Variants in NCOA4 observed in about 807,000 individuals in gnomAD.
NCOA4 encodes 70 kDa AR-activator.
Under a neutral mutation model 69.5 loss-of-function variants are expected in NCOA4, and 31 were observed. The observed-to-expected ratio is 0.45, with a 90% CI of 0.34 to 0.60. NCOA4 has a LOEUF of 0.60. Among genes scored for constraint, NCOA4 ranks in the 20% least tolerant of loss-of-function variants. NCOA4 has a pLI of 0.02. For synonymous variants in NCOA4, 228 were observed against 252.4 expected, an observed-to-expected ratio of 0.90 and a Z score of 0.92; for missense variants, 600 against 719.2, an observed-to-expected ratio of 0.83 and a Z score of 1.90.
At chr10:46,013,059 A>G in intron 6 of NCOA4, 33 bp from the exon 7 acceptor site, 2 of 1,608,070 alleles carry the variant, frequency 1.2e-6, no homozygotes, top group South Asian at 2.2e-5. Flanking sequence ...TGTCAAATGC[A>G]GTAGAAAGTT....
rs558714956 is a variant in NCOA4 at position 46,030,572 on chromosome 10, C to T, written c.-61G>A. 37 of 152,450 alleles carry T rather than the reference C, an allele frequency of 2.4e-4. No homozygotes were observed. Among genetic ancestry groups the T allele is most frequent in the African/African-American group, 7.2e-4 (30 of 41,588 alleles). The allele number at this position is 152,450 out of a possible 1,614,324, so 9.4% of individuals were successfully genotyped here. ...GCGATCCGAGGAGACCTTGGGTGGA[C>T]TGAGACACGGCCCCACACTAACCTA... On this transcript the variant is annotated 5_prime_UTR_variant, in exon 1 of 10. Coordinates refer to ENST00000581486, the MANE Select transcript of NCOA4 (RefSeq NM_001145263.2).
At chr10:46,029,414 G>A (rs1840336596) in intron 1 of NCOA4, among the ~76,000 whole-genome samples, 1 of 152,054 alleles carries the variant, frequency 6.6e-6, no homozygotes, top group African/African-American at 2.4e-5. Context: ...GCATCCTTAG[G>A]GTAAGTCTTT....
intron 1 of NCOA4, among the ~76,000 whole-genome samples, chr10:46,026,425 G>A (rs950030468): frequency 2.0e-5 from 3 of 152,244 alleles, no homozygotes; most frequent in Non-Finnish European, 4.4e-5. Flanking sequence ...TTCAGAGTTG[G>A]CAGTACCACA....
chr10:46,011,290 G>T, intron 7 of NCOA4, 84 bp from the exon 8 acceptor site: 1 of 1,383,774 alleles, frequency 7.2e-7, no homozygotes, highest in South Asian at 1.4e-5. Context: ...CTTTTTTTGA[G>T]ACAGTCTCAC....
rs782637347 is a variant in NCOA4 at position 46,011,156 on chromosome 10, C to G, written c.765G>C (p.Lys255Asn). ...TCTTGAGGAGCCAGTTTTCTAAGCC[C>G]TTTAGGTTTCCCCCGACATTATTGA... is the stretch of plus-strand genomic sequence containing the variant. ...NFFNNVGGNL[K>N]GLENWLLKSE... The change falls in exon 8 of 10, where the codon AAG becomes AAC. Residue 255 changes from lysine (K) to asparagine (N), a missense_variant. Transcript: ENST00000581486. 1.9e-6 allele frequency: 3 copies of G among 1,608,046 alleles called. No homozygotes were observed. Among genetic ancestry groups the G allele is most frequent in the Non-Finnish European group, 2.5e-6 (3 of 1,178,150 alleles).
intron 2 of NCOA4, among the ~76,000 whole-genome samples, chr10:46,015,636 C>T (rs1839496304): frequency 6.6e-6 from 1 of 152,094 alleles, no homozygotes. Context: ...CAAGAATGTA[C>T]CAGGAAATAC....
At chr10:46,014,161 G>T (rs1839398285) in intron 5 of NCOA4, among the ~76,000 whole-genome samples, 1 of 152,134 alleles carries the variant, frequency 6.6e-6, no homozygotes, top group Non-Finnish European at 1.5e-5. Flanking sequence ...CAAGTAGCTG[G>T]GATTATAGGC....
At chr10:46,018,050 A>AATATT (rs1554923654) in intron 1 of NCOA4, among the ~76,000 whole-genome samples, 103 of 152,362 alleles carry the variant, frequency 6.8e-4, no homozygotes, top group Non-Finnish European at 1.9e-4. Flanking sequence ...ACTGTGGAAA[A>AATATT]AGTGAATATT....
In NCOA4 at chr10:46,017,715, TACA is replaced by T. The variant is rs1275751231; in HGVS notation, c.-14-1024_-14-1022del. Among the ~76,000 whole-genome samples the T allele has an allele frequency of 2.1e-4, 32 of 152,268 alleles. No individual in the cohort carries two copies. The East Asian group carries it at 5.8e-3, about 28-fold the overall frequency. On this transcript the variant is annotated intron_variant, in intron 1 of 9. Coordinates refer to ENST00000581486, the MANE Select transcript of NCOA4 (RefSeq NM_001145263.2). ...AGACACAGAAATTGGTGTGGGTAAA[TACA>T]GAGTTCTCTAAGAAGCTTGGGTTTA...
At position 46,015,221 on chromosome 10, in the gene NCOA4, G is replaced by C. The variant is rs782104671; in HGVS notation, c.187C>G (p.Leu63Val). The change falls in exon 3 of 10, where the codon CTT becomes GTT. Residue 63 changes from leucine (L) to valine (V), a missense_variant. By Grantham distance (32) the Leu-to-Val change is conservative. Coordinates refer to ENST00000581486, the MANE Select transcript of NCOA4 (RefSeq NM_001145263.2). ...HSCISRHLEC[L>V]RSREVWLYEQ... ...TACAGCCATACCTCACGGCTTCTAA[G>C]ACATTCCAGGTGACGGCTTATGCAA... 1 of 1,614,050 alleles carries C rather than the reference G, an allele frequency of 6.2e-7. No homozygotes were observed. The highest frequency in any genetic ancestry group is 8.5e-7 in the Non-Finnish European group (1 of 1,180,000).
At chr10:46,029,399 C>T (rs1840335485) in intron 1 of NCOA4, among the ~76,000 whole-genome samples, 1 of 152,156 alleles carries the variant, frequency 6.6e-6, no homozygotes, top group South Asian at 2.1e-4. Context: ...ATTGCCTAAG[C>T]CACTGCATCC....
intron 1 of NCOA4, among the ~76,000 whole-genome samples, chr10:46,029,803 T>C (rs1169298758): frequency 6.6e-6 from 1 of 152,210 alleles, no homozygotes; most frequent in East Asian, 1.9e-4. Context: ...CAACAAGAAT[T>C]TAGTTCCATG....
rs782302695 is a variant in NCOA4 at position 46,010,613 on chromosome 10, T to C, written c.1308A>G (p.Gly436=). The part of the protein sequence containing the change: ...ALYKWLLKKE[G]KDKNGMPVEP... ...CCACAGGCATCCCATTTTTATCCTT[T>C]CCTTCTTTCTTCAGAAGCCACTTAT... The change falls in exon 8 of 10, where the codon GGA becomes GGG. Residue 436 remains glycine, a synonymous_variant. Transcript: ENST00000581486. The C allele has an allele frequency of 2.5e-6, 4 of 1,614,210 alleles. No homozygotes were observed. In the Admixed American group the frequency reaches 6.7e-5, roughly 27 times the overall value.
chr10:46,006,607 GACACCC>G lies in NCOA4; in HGVS notation c.1840-16_1840-11del, dbSNP rs781853489. On this transcript the variant is annotated splice_polypyrimidine_tract_variant and intron_variant, in intron 9 of 9. Transcript: ENST00000581486. Reference sequence around the variant, plus strand: ...GTCCATTCCTTCACATCTGTAAAGAGACACCCACAGATGATAAGTTACTTCAATGAA... The same window carrying G: ...GTCCATTCCTTCACATCTGTAAAGAGACAGATGATAAGTTACTTCAATGAA... 1 of 1,613,902 alleles carries G rather than the reference GACACCC, an allele frequency of 6.2e-7. No individual in the cohort carries two copies. The highest frequency in any genetic ancestry group is 8.5e-7 in the Non-Finnish European group (1 of 1,179,816).
chr10:46,021,716 T>C (rs887531376), intron 1 of NCOA4, among the ~76,000 whole-genome samples: 2 of 152,178 alleles, frequency 1.3e-5, no homozygotes, highest in Admixed American at 6.5e-5. Context: ...TCCCAGCACT[T>C]TGGGAGGCCA....
At position 46,005,662 on chromosome 10, in the gene NCOA4, G is replaced by A. The variant is rs1838767264; in HGVS notation, c.*930C>T. 1 of 218,684 alleles carries A rather than the reference G, an allele frequency of 4.6e-6. No homozygotes were observed. Among genetic ancestry groups the A allele is most frequent in the Admixed American group, 5.8e-5 (1 of 17,248 alleles). The allele number at this position is 218,684 out of a possible 1,614,324, so 13.5% of individuals were successfully genotyped here. A position where few individuals can be genotyped will look rare whatever the true frequency, so the allele number is the denominator to read the frequency against. ...ACGTCACTTTTGGAGGTACAGGTAT[G>A]CTGTGCTTGCAGTGAGAGGATGACT... On this transcript the variant is annotated 3_prime_UTR_variant, in exon 10 of 10. Transcript: ENST00000581486.
At chr10:46,014,694 T>C in intron 4 of NCOA4, 142 bp from the exon 5 acceptor site, 2 of 767,888 alleles carry the variant, frequency 2.6e-6, no homozygotes, top group South Asian at 1.8e-5. Context: ...GGCTTATTCA[T>C]GTATCAGCAA....
At chr10:46,020,419 T>C (rs782345750) in intron 1 of NCOA4, among the ~76,000 whole-genome samples, 8 of 152,202 alleles carry the variant, frequency 5.3e-5, no homozygotes, top group Non-Finnish European at 1.0e-4. Context: ...GCACTTAGCC[T>C]AGCACCTGCA....
chr10:46,024,179 A>C (rs868995551), intron 1 of NCOA4, among the ~76,000 whole-genome samples: 4 of 152,188 alleles, frequency 2.6e-5, no homozygotes, highest in African/African-American at 9.7e-5. Flanking sequence ...TTTCTCCCTA[A>C]TTCCAAAAGC....
Sources: gnomAD v4.1 joint callset for allele counts (sites outside exome capture counted in the v4.1 genomes callset) on GRCh38, gnomAD v4.1.1 for gene constraint, MANE v1.5 for transcripts, NCBI Gene and HGNC (gene_info 2026-07-23, HGNC 2026-07-21) for gene names.